Variants in FGGY observed in about 807,000 individuals in gnomAD.
FGGY encodes FGGY carbohydrate kinase domain-containing protein.
FGGY carries 72 observed loss-of-function variants against 71.3 expected under a neutral mutation model. That is an observed-to-expected ratio of 1.01 (90% CI 0.84 to 1.23). FGGY has a LOEUF of 1.23. FGGY is among the 50% of genes most tolerant of loss of function. The pLI, the probability that FGGY is intolerant of heterozygous loss-of-function variation, is 0.00. For synonymous variants in FGGY, 251 were observed against 250.3 expected, an observed-to-expected ratio of 1.00 and a Z score of -0.02; for missense variants, 668 against 682.3, an observed-to-expected ratio of 0.98 and a Z score of 0.23.
chr1:59,693,623 G>A (rs2097616922), intron 14 of FGGY, among the ~76,000 whole-genome samples: 1 of 152,134 alleles, frequency 6.6e-6, no homozygotes, highest in African/African-American at 2.4e-5. Flanking sequence ...TGGTGGTAAT[G>A]GTAGTGGTGG....
chr1:59,525,835 G>A (rs886616287), intron 7 of FGGY, among the ~76,000 whole-genome samples: 1 of 152,294 alleles, frequency 6.6e-6, no homozygotes, highest in East Asian at 1.9e-4. Flanking sequence ...TTGTATGTGT[G>A]CATAACTGTG....
intron 5 of FGGY, among the ~76,000 whole-genome samples, chr1:59,456,414 T>G (rs988990815): frequency 2.0e-5 from 3 of 152,136 alleles, no homozygotes; most frequent in Non-Finnish European, 4.4e-5. Flanking sequence ...ATATACAGAT[T>G]GTTTAATCAG....
chr1:59,719,655 T>C (rs1175635252), intron 14 of FGGY, among the ~76,000 whole-genome samples: 1 of 152,250 alleles, frequency 6.6e-6, no homozygotes, highest in Non-Finnish European at 1.5e-5. Context: ...TTTCTCCAGA[T>C]CCATGCTGAG....
At chr1:59,702,801 G>A (rs2097720473) in intron 14 of FGGY, among the ~76,000 whole-genome samples, 1 of 152,280 alleles carries the variant, frequency 6.6e-6, no homozygotes, top group Non-Finnish European at 1.5e-5. Flanking sequence ...GCTGAGGAGG[G>A]AGAGGTATTG....
intron 13 of FGGY, 118 bp from the exon 14 acceptor site, chr1:59,673,921 G>C: frequency 1.4e-6 from 1 of 731,352 alleles, no homozygotes; most frequent in Non-Finnish European, 2.4e-6. Flanking sequence ...GCAGGGAGTC[G>C]GGCGGGGGGC....
intron 4 of FGGY, among the ~76,000 whole-genome samples, chr1:59,372,953 A>T (rs2057957064): frequency 6.6e-6 from 1 of 152,196 alleles, no homozygotes; most frequent in African/African-American, 2.4e-5. Flanking sequence ...AGCTAATATC[A>T]CACTGAATGG....
intron 6 of FGGY, among the ~76,000 whole-genome samples, chr1:59,493,546 A>G (rs1283306490): frequency 1.3e-5 from 2 of 152,194 alleles, no homozygotes; most frequent in Non-Finnish European, 2.9e-5. Context: ...AAAAGGACCA[A>G]TACTGTATGA....
intron 8 of FGGY, among the ~76,000 whole-genome samples, chr1:59,558,329 G>A (rs1214418293): frequency 1.3e-5 from 2 of 152,228 alleles, no homozygotes; most frequent in South Asian, 2.1e-4. Flanking sequence ...ATATTTCAAC[G>A]TAGGTTCTTT....
chr1:59,420,413 C>T (rs191594154), intron 5 of FGGY, among the ~76,000 whole-genome samples: 6 of 152,288 alleles, frequency 3.9e-5, no homozygotes, highest in Admixed American at 2.6e-4. Flanking sequence ...GTACTTCCCA[C>T]GTGTTGTGAA....
chr1:59,641,978 T>A (rs1424422305), intron 11 of FGGY, among the ~76,000 whole-genome samples: 1 of 152,066 alleles, frequency 6.6e-6, no homozygotes, highest in Non-Finnish European at 1.5e-5. Flanking sequence ...GCCAGTGAGT[T>A]TAAATTCCTA....
At chr1:59,533,671 T>G (rs1208272220) in intron 7 of FGGY, among the ~76,000 whole-genome samples, 1 of 152,078 alleles carries the variant, frequency 6.6e-6, no homozygotes, top group Admixed American at 6.5e-5. Flanking sequence ...GACTGCCTCC[T>G]TAAGTGGGTC....
chr1:59,348,208 G>A (rs835362), intron 4 of FGGY, among the ~76,000 whole-genome samples: 32,808 of 152,052 alleles, frequency 0.22, 5,155 homozygotes, highest in African/African-American at 0.45. Flanking sequence ...GTTAATTACC[G>A]TTCCAATGAG....
chr1:59,653,240 A>G (rs1264249811), intron 11 of FGGY, among the ~76,000 whole-genome samples: 2 of 152,256 alleles, frequency 1.3e-5, no homozygotes, highest in Non-Finnish European at 2.9e-5. Flanking sequence ...GGTGGAGCCT[A>G]CAGTGGCAGG....
intron 14 of FGGY, among the ~76,000 whole-genome samples, chr1:59,720,619 A>G (rs2100602951): frequency 6.6e-6 from 1 of 152,334 alleles, no homozygotes. Context: ...CGGAAAGGAG[A>G]TGACATGCCT....
At chr1:59,428,965 A>C (rs2066867245) in intron 5 of FGGY, among the ~76,000 whole-genome samples, 1 of 152,210 alleles carries the variant, frequency 6.6e-6, no homozygotes. Flanking sequence ...AAAAGGAAGG[A>C]AACCTTACCA....
intron 5 of FGGY, among the ~76,000 whole-genome samples, chr1:59,393,856 C>A (rs1041680071): frequency 3.9e-5 from 6 of 152,126 alleles, no homozygotes; most frequent in African/African-American, 7.2e-5. Context: ...TGGCCCCCAA[C>A]CCCCTCCCAG....
At chr1:59,729,886 TA>T (rs1242722724) in intron 14 of FGGY, among the ~76,000 whole-genome samples, 2 of 152,154 alleles carry the variant, frequency 1.3e-5, no homozygotes, top group Non-Finnish European at 2.9e-5. Context: ...TAGGCTTTTG[TA>T]AAGTCTCTTC....
intron 4 of FGGY, among the ~76,000 whole-genome samples, chr1:59,372,573 T>C (rs2057870415): frequency 6.6e-6 from 1 of 152,158 alleles, no homozygotes. Context: ...GCCAGTATCA[T>C]CCTGATACCA....
chr1:59,336,082 T>C (rs1422597269), intron 2 of FGGY, among the ~76,000 whole-genome samples: 3 of 152,182 alleles, frequency 2.0e-5, no homozygotes, highest in African/African-American at 7.2e-5. Context: ...TGCAACAATG[T>C]TCTCCTGTTT....
Sources: gnomAD v4.1 joint callset for allele counts (sites outside exome capture counted in the v4.1 genomes callset) on GRCh38, gnomAD v4.1.1 for gene constraint, MANE v1.5 for transcripts, NCBI Gene and HGNC (gene_info 2026-07-23, HGNC 2026-07-21) for gene names.